The following VEGFC variants were observed in gnomAD, a reference collection of about 807,000 sequenced individuals.
VEGFC encodes FLT4 ligand DHM.
VEGFC carries 12 observed loss-of-function variants against 46.1 expected under a neutral mutation model. The observed-to-expected ratio is 0.26, with a 90% CI of 0.17 to 0.42. The LOEUF (loss-of-function observed/expected upper bound fraction) is 0.42. Among genes scored for constraint, VEGFC ranks in the 10% least tolerant of loss-of-function variants. The probability of loss-of-function intolerance (pLI) is 1.00; values close to 1 mark genes in which losing one functional copy is unlikely to be tolerated. For synonymous variants in VEGFC, 232 were observed against 195.5 expected (o/e 1.19, Z -1.56); for missense variants, 488 against 529.4 (o/e 0.92, Z 0.77).
In VEGFC at chr4:176,792,757, GGCCGCGGGCGCT is replaced by G. The variant is rs1347153069; in HGVS notation, c.-458_-447del. Reference sequence around the variant, plus strand: ...CCCTTCCCCGAAGTGAGAGGAGCCGGGCCGCGGGCGCTGCGGCGGGGGCGCTGGCGGCGGTGC... The same window carrying G: ...CCCTTCCCCGAAGTGAGAGGAGCCGGGCGGCGGGGGCGCTGGCGGCGGTGC... On this transcript the variant is annotated 5_prime_UTR_variant, in exon 1 of 7. Transcript: ENST00000618562. The surrounding 1 kb of genome is among the most constrained non-coding windows in gnomAD (Gnocchi z 6.3). 6.7e-6 allele frequency: 1 copy of G among 149,860 alleles called. No individual in the cohort carries two copies. The highest frequency in any genetic ancestry group is 2.0e-4 in the East Asian group (1 of 5,038). 9.3% of individuals were successfully genotyped at this position (149,860 alleles called of 1,614,324 possible).
rs1553997794 is a variant in VEGFC, at chr4:176,780,387, A to AAAAAAAAAACAAAC, written c.147+11777_147+11778insGTTTGTTTTTTTTT. 9.6e-5 allele frequency among the ~76,000 whole-genome samples: 11 copies of AAAAAAAAAACAAAC among 114,780 alleles called. 3 individuals are homozygous for AAAAAAAAAACAAAC. The highest frequency in any genetic ancestry group is 2.8e-4 in the East Asian group (1 of 3,618). The allele number at this position is 114,780 out of a possible 152,430, so 75.3% of individuals were successfully genotyped here. On this transcript the variant is annotated intron_variant, in intron 1 of 6. Transcript: ENST00000618562. ...ACAGAGCGAGACTCCATCTCAAAAA[A>AAAAAAAAAACAAAC]AAAAAAAAAAAACTCCTTCTAACCC... is the stretch of plus-strand genomic sequence containing the variant.
chr4:176,765,513 C>T (rs1266691703), intron 1 of VEGFC, among the ~76,000 whole-genome samples: 1 of 150,838 alleles, frequency 6.6e-6, no homozygotes, highest in African/African-American at 2.4e-5. Flanking sequence ...ATCTAAAATA[C>T]TACACCATAA....
chr4:176,726,953 C>CA (rs1734882153), intron 3 of VEGFC, among the ~76,000 whole-genome samples: 1 of 152,186 alleles, frequency 6.6e-6, no homozygotes, highest in African/African-American at 2.4e-5. Context: ...GTCATTAGGA[C>CA]AACCACAGTT....
At chr4:176,729,180 T>C (rs1355676402) in intron 2 of VEGFC, among the ~76,000 whole-genome samples, 1 of 152,222 alleles carries the variant, frequency 6.6e-6, no homozygotes, top group Non-Finnish European at 1.5e-5. Context: ...CCAAATCAGA[T>C]AGGAAATTAA....
chr4:176,709,673 G>A (rs1734589382), intron 4 of VEGFC, among the ~76,000 whole-genome samples: 1 of 152,142 alleles, frequency 6.6e-6, no homozygotes, highest in Admixed American at 6.6e-5. Context: ...GTGAATAATG[G>A]AAGACAAAAC....
chr4:176,708,788 G>A (rs1734576540), intron 4 of VEGFC, among the ~76,000 whole-genome samples: 1 of 152,158 alleles, frequency 6.6e-6, no homozygotes, highest in African/African-American at 2.4e-5. Context: ...ACACATGGGT[G>A]AGGAAATGAA....
chr4:176,739,036 C>T (rs2111028732), intron 1 of VEGFC, among the ~76,000 whole-genome samples: 1 of 151,072 alleles, frequency 6.6e-6, no homozygotes, highest in East Asian at 2.0e-4. Context: ...ATGCAGCTGA[C>T]AAACATATGA....
intron 1 of VEGFC, among the ~76,000 whole-genome samples, chr4:176,732,118 C>G (rs533799852): frequency 6.6e-6 from 1 of 151,468 alleles, no homozygotes; most frequent in African/African-American, 2.4e-5. Context: ...CAATAAAGTA[C>G]GAAATTATTT....
At chr4:176,761,054 G>A (rs1214094598) in intron 1 of VEGFC, among the ~76,000 whole-genome samples, 1 of 152,162 alleles carries the variant, frequency 6.6e-6, no homozygotes, top group Admixed American at 6.5e-5. Context: ...AGGGGAAAAC[G>A]TTCTGTATTT....
intron 4 of VEGFC, among the ~76,000 whole-genome samples, chr4:176,702,187 C>T (rs1033007089): frequency 6.6e-6 from 1 of 152,112 alleles, no homozygotes; most frequent in Non-Finnish European, 1.5e-5. Flanking sequence ...AGAATAAAAT[C>T]TTCTTAAATA....
At chr4:176,789,022 A>C (rs977327663) in intron 1 of VEGFC, among the ~76,000 whole-genome samples, 2 of 152,214 alleles carry the variant, frequency 1.3e-5, no homozygotes, top group South Asian at 4.1e-4. Flanking sequence ...CCTACTCTCA[A>C]TAACAACCCC....
At chr4:176,767,924 G>C (rs1409448194) in intron 1 of VEGFC, among the ~76,000 whole-genome samples, 1 of 152,148 alleles carries the variant, frequency 6.6e-6, no homozygotes, top group Non-Finnish European at 1.5e-5. Context: ...GATGTAGCAA[G>C]TGGTTAGACT....
intron 1 of VEGFC, among the ~76,000 whole-genome samples, chr4:176,770,595 G>A (rs1228364238): frequency 4.0e-5 from 6 of 148,836 alleles, no homozygotes; most frequent in Admixed American, 4.0e-4. Flanking sequence ...TTTCCAGATA[G>A]AGAATAAAAA....
chr4:176,790,597 T>C (rs1158263306), intron 1 of VEGFC, among the ~76,000 whole-genome samples: 1 of 152,142 alleles, frequency 6.6e-6, no homozygotes, highest in Non-Finnish European at 1.5e-5. Flanking sequence ...GTGACTCTCA[T>C]ACAGGCTATT....
intron 3 of VEGFC, among the ~76,000 whole-genome samples, chr4:176,724,208 G>GTTC (rs1385344129): frequency 6.6e-6 from 1 of 152,212 alleles, no homozygotes; most frequent in Non-Finnish European, 1.5e-5. Flanking sequence ...CAAGGCAGCA[G>GTTC]TTTTAAAGCC....
At chr4:176,779,001 T>C (rs1735862979) in intron 1 of VEGFC, among the ~76,000 whole-genome samples, 1 of 152,124 alleles carries the variant, frequency 6.6e-6, no homozygotes, top group Non-Finnish European at 1.5e-5. Context: ...CAGGAAAAAA[T>C]GTCTAATTCT....
chr4:176,719,105 G>A (rs921651800), intron 3 of VEGFC, among the ~76,000 whole-genome samples: 5 of 152,070 alleles, frequency 3.3e-5, no homozygotes, highest in African/African-American at 1.2e-4. Flanking sequence ...ACTTTTCAAT[G>A]AACAGCTGGC....
chr4:176,782,655 T>C (rs1735936867), intron 1 of VEGFC, among the ~76,000 whole-genome samples: 1 of 152,082 alleles, frequency 6.6e-6, no homozygotes, highest in Admixed American at 6.5e-5. Flanking sequence ...AATTCTGAAA[T>C]ACAAATATTA....
At chr4:176,688,273 T>C (rs980814353) in intron 4 of VEGFC, among the ~76,000 whole-genome samples, 1 of 152,216 alleles carries the variant, frequency 6.6e-6, no homozygotes, top group African/African-American at 2.4e-5. Context: ...CAATATATCA[T>C]GGACATTTTT....
Sources: allele counts gnomAD v4.1 joint callset (sites outside exome capture counted in the v4.1 genomes callset), GRCh38; gene constraint gnomAD v4.1.1; non-coding constraint Gnocchi (gnomAD v3.1); transcripts MANE v1.5; gene names NCBI Gene and HGNC (gene_info 2026-07-23, HGNC 2026-07-21).